Variants in ANK3 observed in about 807,000 individuals in gnomAD.
The protein encoded by ANK3 is ankyrin-3.
In ANK3, 57 loss-of-function variants were observed where a neutral mutation model predicts 370.9. The ratio of observed to expected loss-of-function variants is 0.15; its 90% CI spans 0.12 to 0.19. The LOEUF is 0.19. Among genes scored for constraint, ANK3 ranks in the 10% least tolerant of loss-of-function variants. The pLI, the probability that ANK3 is intolerant of heterozygous loss-of-function variation, is 1.00. For missense variants in ANK3, 4,439 were observed against 5,302.1 expected, an observed-to-expected ratio of 0.84 and a Z score of 5.06; for synonymous variants, 1,929 against 1,946.3, an observed-to-expected ratio of 0.99 and a Z score of 0.23.
At chr10:60,161,071 A>G (rs929219521) in intron 23 of ANK3, among the ~76,000 whole-genome samples, 8 of 152,222 alleles carry the variant, frequency 5.3e-5, no homozygotes, top group African/African-American at 1.9e-4. Context: ...AATAAAGGAC[A>G]TCCAAATTAG....
At chr10:60,655,631 TTCA>T (rs1564497763) in intron 1 of ANK3, among the ~76,000 whole-genome samples, 1 of 151,998 alleles carries the variant, frequency 6.6e-6, no homozygotes, top group African/African-American at 2.4e-5. Flanking sequence ...CTAAGGTTAA[TTCA>T]TTATTAAAAA....
intron 7 of ANK3, among the ~76,000 whole-genome samples, chr10:60,253,327 C>A (rs2097693750): frequency 6.6e-6 from 1 of 152,118 alleles, no homozygotes; most frequent in Non-Finnish European, 1.5e-5. Flanking sequence ...GATGATACAG[C>A]CAAGATAAGA....
chr10:60,582,944 C>A (rs2077775512), intron 2 of ANK3, among the ~76,000 whole-genome samples: 1 of 151,958 alleles, frequency 6.6e-6, no homozygotes, highest in African/African-American at 2.4e-5. Flanking sequence ...ATGGAAGGAG[C>A]AATATGGAAG....
chr10:60,396,238 A>T (rs571280201), intron 2 of ANK3, among the ~76,000 whole-genome samples: 4 of 152,312 alleles, frequency 2.6e-5, no homozygotes, highest in African/African-American at 7.2e-5. Context: ...ATTGAAAGTG[A>T]CCAGATAGGG....
chr10:60,178,487 T>C (rs1591331945), intron 18 of ANK3, among the ~76,000 whole-genome samples: 1 of 152,310 alleles, frequency 6.6e-6, no homozygotes, highest in Non-Finnish European at 1.5e-5. Context: ...GCACTTAGAA[T>C]AGTACCCGGC....
chr10:60,668,445 G>A (rs2079026160), intron 1 of ANK3, among the ~76,000 whole-genome samples: 1 of 147,406 alleles, frequency 6.8e-6, no homozygotes, highest in Admixed American at 6.6e-5. Context: ...TTATAAATAA[G>A]TACCAGCTTT....
chr10:60,405,673 C>T (rs2063440449), intron 2 of ANK3, among the ~76,000 whole-genome samples: 1 of 152,030 alleles, frequency 6.6e-6, no homozygotes, highest in African/African-American at 2.4e-5. Context: ...ATAAATACCT[C>T]CAATTAATGA....
chr10:60,702,701 G>T (rs780487563), intron 1 of ANK3, among the ~76,000 whole-genome samples: 1 of 152,076 alleles, frequency 6.6e-6, no homozygotes, highest in East Asian at 1.9e-4. Context: ...TAAAGAAAAC[G>T]AACTATGGGT....
At position 60,069,696 on chromosome 10, in the gene ANK3, A is replaced by C. The variant is rs2082333328; in HGVS notation, c.11185T>G (p.Ser3729Ala). Residue 3729 changes from serine (S) to alanine (A), a missense_variant, in exon 37 of 44, where the codon TCC (serine) becomes GCC (alanine). By Grantham distance (99) the Ser-to-Ala change is moderately conservative. Transcript: ENST00000280772. ...CCTTCTTTCTTCATGGTCATGGTGG[A>C]TGCAGAAATTCCCATTTTTATAGGC... ...RTPIKMGISASTMTMKKEGPG... is the reference protein window; with the variant it reads ...RTPIKMGISAATMTMKKEGPG... The C allele has an allele frequency of 6.2e-7, 1 of 1,613,720 alleles. No homozygotes were observed. The highest frequency in any genetic ancestry group is 1.3e-5 in the African/African-American group (1 of 74,832).
intron 36 of ANK3, among the ~76,000 whole-genome samples, chr10:60,079,395 T>C (rs2131996795): frequency 6.6e-6 from 1 of 152,308 alleles, no homozygotes; most frequent in African/African-American, 2.4e-5. Context: ...ATATTGAAAC[T>C]TCTCTAATAG....
chr10:60,395,584 CTT>C (rs1301261099), intron 2 of ANK3, among the ~76,000 whole-genome samples: 2 of 125,444 alleles, frequency 1.6e-5, no homozygotes, highest in African/African-American at 3.3e-5. Flanking sequence ...TTCTTTCTTT[CTT>C]TCTTTCTTTC....
intron 21 of ANK3, among the ~76,000 whole-genome samples, chr10:60,171,377 A>C (rs1205541004): frequency 6.6e-6 from 1 of 152,248 alleles, no homozygotes; most frequent in African/African-American, 2.4e-5. Flanking sequence ...GCAGGTAGTT[A>C]CAGAGACCTT....
At chr10:60,658,084 C>G (rs989119994) in intron 1 of ANK3, among the ~76,000 whole-genome samples, 2 of 146,372 alleles carry the variant, frequency 1.4e-5, no homozygotes, top group African/African-American at 5.0e-5. Context: ...GTAATTGTAT[C>G]CTGTTATTAA....
intron 13 of ANK3, 93 bp downstream of exon 13, chr10:60,200,036 A>G: frequency 2.2e-6 from 2 of 894,828 alleles, no homozygotes; most frequent in Non-Finnish European, 3.5e-6. Flanking sequence ...TTTTTAAAGT[A>G]TTCTTGAAAG....
At chr10:60,405,713 AT>A (rs1441390880) in intron 2 of ANK3, among the ~76,000 whole-genome samples, 4 of 152,208 alleles carry the variant, frequency 2.6e-5, no homozygotes, top group Non-Finnish European at 5.9e-5. Flanking sequence ...TTTAGGGTGA[AT>A]TTTACTGACA....
chr10:60,181,946 T>C (rs2096202938), intron 17 of ANK3, among the ~76,000 whole-genome samples: 1 of 152,160 alleles, frequency 6.6e-6, no homozygotes, highest in Middle Eastern at 3.2e-3. Flanking sequence ...GACTTAGCAA[T>C]TATCAAAGTT....
intron 1 of ANK3, among the ~76,000 whole-genome samples, chr10:60,354,633 C>A (rs1016969754): frequency 1.3e-5 from 2 of 152,110 alleles, no homozygotes; most frequent in Non-Finnish European, 2.9e-5. Context: ...TTGCAAATCC[C>A]AGAAATAAAG....
At chr10:60,345,947 A>G (rs114427798) in intron 1 of ANK3, among the ~76,000 whole-genome samples, 1,619 of 152,206 alleles carry the variant, frequency 0.011, 36 homozygotes, top group African/African-American at 0.037. Flanking sequence ...AAATAATTAA[A>G]TCACTCAAGT....
chr10:60,418,820 T>C (rs545185658), intron 2 of ANK3, among the ~76,000 whole-genome samples: 1 of 152,236 alleles, frequency 6.6e-6, no homozygotes, highest in Non-Finnish European at 1.5e-5. Flanking sequence ...AAAAATTATT[T>C]AATTCCTGTA....
Sources: gnomAD v4.1 joint callset for allele counts (sites outside exome capture counted in the v4.1 genomes callset) on GRCh38, gnomAD v4.1.1 for gene constraint, MANE v1.5 for transcripts, NCBI Gene and HGNC (gene_info 2026-07-23, HGNC 2026-07-21) for gene names.